Variants in SLC44A1 observed in about 807,000 individuals in gnomAD.
SLC44A1 encodes the protein solute carrier family 44 member 1, also known as choline transporter-like protein 1.
In SLC44A1, 26 loss-of-function variants were observed where a neutral mutation model predicts 79.3. The observed-to-expected ratio is 0.33, with a 90% CI of 0.24 to 0.46. The LOEUF (loss-of-function observed/expected upper bound fraction) is 0.46, where lower values mean the gene tolerates loss of function less well. SLC44A1 is among the 20% of genes least tolerant of loss of function. SLC44A1 has a pLI of 1.00. For synonymous variants in SLC44A1, 263 were observed against 286.2 expected (o/e 0.92, Z 0.82); for missense variants, 688 against 798.1 (o/e 0.86, Z 1.66).
chr9:105,294,153 A>G (rs972774649), intron 1 of SLC44A1, among the ~76,000 whole-genome samples: 1 of 152,212 alleles, frequency 6.6e-6, no homozygotes, highest in Non-Finnish European at 1.5e-5. Flanking sequence ...TGTGTGCAAA[A>G]AAAGCCTGTA....
chr9:105,399,815 A>C (rs1220706948), downstream of SLC44A1, among the ~76,000 whole-genome samples: 1 of 152,200 alleles, frequency 6.6e-6, no homozygotes, highest in Non-Finnish European at 1.5e-5. Flanking sequence ...GACATCTTAA[A>C]ATATAGTAGG....
chr9:105,254,718 C>T (rs973143706), intron 1 of SLC44A1, among the ~76,000 whole-genome samples: 1 of 152,074 alleles, frequency 6.6e-6, no homozygotes, highest in Non-Finnish European at 1.5e-5. Flanking sequence ...TTTTTGCTCA[C>T]CCCCACTGCA....
intron 15 of SLC44A1, among the ~76,000 whole-genome samples, chr9:105,435,060 T>C (rs936823515): frequency 1.3e-5 from 2 of 151,522 alleles, no homozygotes; most frequent in African/African-American, 4.9e-5. Flanking sequence ...GGTGGGAGGA[T>C]CCATTGAGCC....
chr9:105,275,645 TA>T (rs1257188461), intron 1 of SLC44A1, among the ~76,000 whole-genome samples: 1 of 152,162 alleles, frequency 6.6e-6, no homozygotes, highest in Admixed American at 6.6e-5. Context: ...TTGGTCAGCT[TA>T]TGAAAAATGA....
At chr9:105,275,666 C>T (rs1329497992) in intron 1 of SLC44A1, among the ~76,000 whole-genome samples, 1 of 152,088 alleles carries the variant, frequency 6.6e-6, no homozygotes, top group Non-Finnish European at 1.5e-5. Context: ...AATGCAGTCT[C>T]CTATTATTTG....
At chr9:105,335,522 T>G in intron 3 of SLC44A1, 41 bp from the exon 4 acceptor site, 1 of 1,556,720 alleles carries the variant, frequency 6.4e-7, no homozygotes, top group South Asian at 1.1e-5. Flanking sequence ...CCACAATGTG[T>G]TTTGTGAAGT....
At chr9:105,372,936 C>A (rs1395848599) in intron 12 of SLC44A1, among the ~76,000 whole-genome samples, 8 of 144,090 alleles carry the variant, frequency 5.6e-5, no homozygotes, top group East Asian at 2.0e-4. Context: ...GGCGACAGAG[C>A]GAGACTCCGT....
chr9:105,366,040 A>G (rs1206124026), intron 11 of SLC44A1, among the ~76,000 whole-genome samples: 2 of 152,222 alleles, frequency 1.3e-5, no homozygotes, highest in East Asian at 1.9e-4. Flanking sequence ...AACACTTAGT[A>G]TCTATACTAT....
In SLC44A1 at chr9:105,389,915, C is replaced by G; in HGVS notation, c.*859C>G. 3.3e-6 allele frequency: 5 copies of G among 1,520,998 alleles called. No homozygotes were observed. Among genetic ancestry groups the G allele is most frequent in the East Asian group, 2.6e-5 (1 of 38,882 alleles). 94.2% of individuals were successfully genotyped at this position (1,520,998 alleles called of 1,614,324 possible). Reference sequence around the variant, plus strand: ...GTATTGATTTGCAGATTAAGTAATGCTGGGAGGAATAAAGAAGGGACAGAA... The same window carrying G: ...GTATTGATTTGCAGATTAAGTAATGGTGGGAGGAATAAAGAAGGGACAGAA... On this transcript the variant is annotated 3_prime_UTR_variant, in exon 16 of 16. Coordinates refer to ENST00000374720, the MANE Select transcript of SLC44A1 (RefSeq NM_080546.5).
intron 1 of SLC44A1, among the ~76,000 whole-genome samples, chr9:105,263,728 G>C (rs1008495697): frequency 1.3e-5 from 2 of 151,858 alleles, no homozygotes; most frequent in Non-Finnish European, 1.5e-5. Context: ...GTAGAGACAG[G>C]GTTTCACTAT....
intron 15 of SLC44A1, among the ~76,000 whole-genome samples, chr9:105,418,525 T>G (rs1185828452): frequency 6.6e-6 from 1 of 152,148 alleles, no homozygotes; most frequent in African/African-American, 2.4e-5. Context: ...TTTTCTGTCT[T>G]GATGTCTTTG....
chr9:105,275,832 T>G (rs1191172357), intron 1 of SLC44A1, among the ~76,000 whole-genome samples: 1 of 151,020 alleles, frequency 6.6e-6, no homozygotes, highest in East Asian at 1.9e-4. Context: ...TGAGACGGAG[T>G]GCCGCTCTGT....
At chr9:105,306,975 A>C (rs1831048727) in intron 2 of SLC44A1, among the ~76,000 whole-genome samples, 1 of 152,116 alleles carries the variant, frequency 6.6e-6, no homozygotes, top group East Asian at 1.9e-4. Flanking sequence ...TGGCATTCTC[A>C]CTGTTCCCCC....
rs550345473 is a variant in SLC44A1, at chr9:105,300,845, G to A, written c.126+1536G>A. Among the ~76,000 whole-genome samples, 233 of 148,974 alleles carry A rather than the reference G, an allele frequency of 1.6e-3. 1 individual carries two copies. The highest frequency in any genetic ancestry group is 2.5e-3 in the Non-Finnish European group (168 of 67,476). The stretch of plus-strand genomic sequence containing the variant: ...ATGCTGGAGTGCATGGTGTGATCTC[G>A]GCTCACTGCAACCTCCACCTCCCAG... On this transcript the variant is annotated intron_variant, in intron 2 of 15. Transcript: ENST00000374720.
chr9:105,390,592 G>A lies in SLC44A1; in HGVS notation c.*1536G>A. ...ACTAGGGCTTAATAAGCAGCCGTTT[G>A]CTAATGTGCTTCCTTTCAAAGGGTT... On this transcript the variant is annotated 3_prime_UTR_variant, in exon 16 of 16. Coordinates refer to ENST00000374720, the MANE Select transcript of SLC44A1 (RefSeq NM_080546.5). 4.1e-6 allele frequency: 4 copies of A among 985,812 alleles called. No individual in the cohort carries two copies. The highest frequency in any genetic ancestry group is 4.8e-6 in the Non-Finnish European group (4 of 829,916). The allele number at this position is 985,812 out of a possible 1,614,324, so 61.1% of individuals were successfully genotyped here. A position where few individuals can be genotyped will look rare whatever the true frequency, so the allele number is the denominator to read the frequency against.
At chr9:105,280,302 A>G (rs1199719733) in intron 1 of SLC44A1, among the ~76,000 whole-genome samples, 3 of 152,228 alleles carry the variant, frequency 2.0e-5, no homozygotes, top group Non-Finnish European at 2.9e-5. Context: ...GCTCTGATTT[A>G]TCAGCCACAT....
rs1462484698 is a variant in SLC44A1, at chr9:105,382,504, GA to G, written c.1633-614del. On this transcript the variant is annotated intron_variant, in intron 13 of 15. Transcript: ENST00000374720. Reference sequence around the variant, plus strand: ...TATGTGAAATAAAATACGAAACACAGAAAAAGTTCTAAGACTATACATGTTT... The same window carrying G: ...TATGTGAAATAAAATACGAAACACAGAAAAGTTCTAAGACTATACATGTTT... Among the ~76,000 whole-genome samples, 3 of 152,044 alleles carry G rather than the reference GA, an allele frequency of 2.0e-5. No homozygotes were observed. The East Asian group carries it at 5.8e-4, about 29-fold the overall frequency.
chr9:105,334,128 C>G (rs1826836832), intron 3 of SLC44A1, among the ~76,000 whole-genome samples: 1 of 152,112 alleles, frequency 6.6e-6, no homozygotes, highest in Non-Finnish European at 1.5e-5. Flanking sequence ...TGGAAACAGT[C>G]CACAAAACCT....
In SLC44A1 at chr9:105,276,184, C is replaced by A. The variant is rs915679483; in HGVS notation, c.37-23036C>A. Among the ~76,000 whole-genome samples the A allele has an allele frequency of 3.6e-4, 55 of 152,168 alleles. 2 individuals are homozygous for A. The highest frequency in any genetic ancestry group is 1.5e-5 in the Non-Finnish European group (1 of 68,036). ...CCCTTTAATTCCAAGTGTCCTTGATCTGAGGAAGCAGCTTAATAAATCTCT... is the reference window on the plus strand; with the variant it reads ...CCCTTTAATTCCAAGTGTCCTTGATATGAGGAAGCAGCTTAATAAATCTCT... On this transcript the variant is annotated intron_variant, in intron 1 of 15. Transcript: ENST00000374720.
Sources: allele counts gnomAD v4.1 joint callset (sites outside exome capture counted in the v4.1 genomes callset), GRCh38; gene constraint gnomAD v4.1.1; transcripts MANE v1.5; gene names NCBI Gene and HGNC (gene_info 2026-07-23, HGNC 2026-07-21).